CPT2: variants seen among roughly 807,000 people sequenced by gnomAD.
CPT2 encodes the protein carnitine palmitoyltransferase 2.
CPT2 carries 37 observed loss-of-function variants against 48.6 expected under a neutral mutation model. The ratio of observed to expected loss-of-function variants is 0.76; its 90% CI spans 0.59 to 1.00. The LOEUF (loss-of-function observed/expected upper bound fraction) is 1.00. CPT2 is among the 50% of genes least tolerant of loss of function. The pLI, the probability that CPT2 is intolerant of heterozygous loss-of-function variation, is 0.00. For missense variants in CPT2, 772 were observed against 825.6 expected, an observed-to-expected ratio of 0.94 and a Z score of 0.80; for synonymous variants, 319 against 326.9, an observed-to-expected ratio of 0.98 and a Z score of 0.26.
intron 4 of CPT2, chr1:53,213,057 A>G (rs1009591540): frequency 1.7e-6 from 1 of 604,034 alleles, no homozygotes; most frequent in East Asian, 2.7e-5. Context: ...TAAATGTAAC[A>G]TGACATAATA....
At chr1:53,204,774 C>T (rs1189975345) in intron 3 of CPT2, among the ~76,000 whole-genome samples, 1 of 152,142 alleles carries the variant, frequency 6.6e-6, no homozygotes, top group Non-Finnish European at 1.5e-5. Flanking sequence ...TTAGTGGTTT[C>T]TCACGAGCTC....
rs1020968759 is a variant in CPT2, at chr1:53,213,138, G to C, written c.1646-126G>C. 11 of 841,566 alleles carry C rather than the reference G, an allele frequency of 1.3e-5. No individual in the cohort carries two copies. The East Asian group carries it at 2.8e-4, about 21-fold the overall frequency. 52.1% of individuals were successfully genotyped at this position (841,566 alleles called of 1,614,324 possible). On this transcript the variant is annotated intron_variant, in intron 4 of 4. Coordinates refer to ENST00000371486, the MANE Select transcript of CPT2 (RefSeq NM_000098.3). ...GGTTAGTCAGTTGGTGGTGTGCATA[G>C]AGGTAGAGCCTTCCCCCACTCTCAA...
rs761347926 is a variant in CPT2, at chr1:53,210,790, C to T, written c.1116C>T (p.His372=). Residue 372 remains histidine (H), a synonymous_variant, in exon 4 of 5, where the codon CAC becomes CAT. Transcript: ENST00000371486. ...KDGSTAVHFE[H]SWGDGVAVLR... Reference sequence around the variant, plus strand: ...GCTCTACTGCCGTCCACTTTGAGCACTCTTGGGGTGATGGTGTGGCAGTGC... The same window carrying T: ...GCTCTACTGCCGTCCACTTTGAGCATTCTTGGGGTGATGGTGTGGCAGTGC... The T allele has an allele frequency of 9.3e-6, 15 of 1,614,202 alleles. No homozygotes were observed. In the East Asian group the frequency reaches 1.3e-4, roughly 14 times the overall value.
At chr1:53,204,426 A>C (rs1172055331) in intron 3 of CPT2, 3 of 151,922 alleles carry the variant, frequency 2.0e-5, no homozygotes, top group East Asian at 1.9e-4. Flanking sequence ...AAAATAGTTT[A>C]TCTCTGATAA....
At chr1:53,202,591 TTCC>T in intron 3 of CPT2, 162 bp downstream of exon 3, 2 of 686,868 alleles carry the variant, frequency 2.9e-6, no homozygotes, top group Non-Finnish European at 2.7e-6. Flanking sequence ...GCTGAGTGTG[TTCC>T]TCCTCTACTG....
At chr1:53,203,454 C>T (rs1254003268) in intron 3 of CPT2, 1 of 152,142 alleles carries the variant, frequency 6.6e-6, no homozygotes, top group Non-Finnish European at 1.5e-5. Context: ...TTTTTGTTTT[C>T]TCTGAAGTTA....
At position 53,210,719 on chromosome 1, in the gene CPT2, A is replaced by G. The variant is rs1488682855; in HGVS notation, c.1045A>G (p.Asn349Asp). The change falls in exon 4 of 5, where the codon AAC becomes GAC. Residue 349 changes from asparagine to aspartate, a missense_variant. Coordinates refer to ENST00000371486, the MANE Select transcript of CPT2 (RefSeq NM_000098.3). ...CAATATGCTGCATGGGGATGGCACAAACCGCTGGTTTGATAAATCCTTTAA... is the reference window on the plus strand; with the variant it reads ...CAATATGCTGCATGGGGATGGCACAGACCGCTGGTTTGATAAATCCTTTAA... ...SHNMLHGDGT[N>D]RWFDKSFNLI... 6.2e-7 allele frequency: 1 copy of G among 1,614,200 alleles called. No individual in the cohort carries two copies. The highest frequency in any genetic ancestry group is 2.2e-5 in the East Asian group (1 of 44,882).
chr1:53,206,182 CAAA>C (rs951448638), intron 3 of CPT2, among the ~76,000 whole-genome samples: 6 of 58,920 alleles, frequency 1.0e-4, no homozygotes, highest in Non-Finnish European at 2.2e-4. Flanking sequence ...GACTCCATTT[CAAA>C]AAAAAAAAAA....
intron 3 of CPT2, among the ~76,000 whole-genome samples, chr1:53,204,628 T>G (rs1645375402): frequency 6.6e-6 from 1 of 152,154 alleles, no homozygotes; most frequent in African/African-American, 2.4e-5. Flanking sequence ...TTTGCTCTAA[T>G]GTGATTGATA....
At position 53,213,561 on chromosome 1, in the gene CPT2, T is replaced by C. The variant is rs138125299; in HGVS notation, c.1943T>C (p.Phe648Ser). The C allele has an allele frequency of 2.7e-5, 43 of 1,614,010 alleles. No homozygotes were observed. The African/African-American group carries it at 5.5e-4, about 21-fold the overall frequency. ...GTGGAGAAGGCCTTAGAAGACATGT[T>C]TGATGCCTTAGAAGGCAAATCCATC... is the stretch of plus-strand genomic sequence containing the variant. ...QCVEKALEDM[F>S]DALEGKSIKS The change falls in exon 5 of 5, where the codon TTT (phenylalanine) becomes TCT (serine). Residue 648 changes from phenylalanine to serine, a missense_variant. Transcript: ENST00000371486.
rs938668766 is a variant in CPT2, at chr1:53,210,774, C to A, written c.1100C>A (p.Ala367Asp). ...NLIIAKDGST[A>D]VHFEHSWGDG... The stretch of plus-strand genomic sequence containing the variant: ...ATTATCGCCAAGGATGGCTCTACTG[C>A]CGTCCACTTTGAGCACTCTTGGGGT... Residue 367 changes from alanine to aspartate, a missense_variant, in exon 4 of 5, where the codon GCC becomes GAC. By Grantham distance (126) the Ala-to-Asp change is moderately radical. Coordinates refer to ENST00000371486, the MANE Select transcript of CPT2 (RefSeq NM_000098.3). The A allele has an allele frequency of 1.9e-6, 3 of 1,614,168 alleles. No individual in the cohort carries two copies. The highest frequency in any genetic ancestry group is 2.5e-6 in the Non-Finnish European group (3 of 1,180,022).
Position 53,213,304 on chromosome 1 carries a change from G to GC in CPT2, c.1686_1687insC (p.Ala563ArgfsTer10). The GC allele has an allele frequency of 6.2e-7, 1 of 1,614,200 alleles. No homozygotes were observed. Among genetic ancestry groups the GC allele is most frequent in the Non-Finnish European group, 8.5e-7 (1 of 1,180,046 alleles). The stretch of plus-strand genomic sequence containing the variant: ...GACACTTGTTTGCTCTGCGGCATCT[G>GC]GCAGCAGCCAAAGGGATCATCTTGC... On this transcript the variant is annotated frameshift_variant, in exon 5 of 5. Transcript: ENST00000371486. LOFTEE classifies it high-confidence loss of function.
intron 3 of CPT2, among the ~76,000 whole-genome samples, chr1:53,206,788 C>G (rs1188977656): frequency 2.0e-5 from 3 of 152,218 alleles, no homozygotes; most frequent in Non-Finnish European, 4.4e-5. Flanking sequence ...CTTGCCTTTA[C>G]TCAGATGAGA....
intron 1 of CPT2, chr1:53,197,457 T>G: frequency 5.5e-6 from 2 of 362,594 alleles, no homozygotes; most frequent in South Asian, 4.6e-5. Context: ...TCGACTATGG[T>G]GTCTCCTGAA....
At position 53,213,895 on chromosome 1, in the gene CPT2, C is replaced by T. The variant is rs1323850765; in HGVS notation, c.*300C>T. 2.9e-5 allele frequency: 11 copies of T among 381,438 alleles called. No homozygotes were observed. Among genetic ancestry groups the T allele is most frequent in the Admixed American group, 3.9e-5 (1 of 25,324 alleles). The allele number at this position is 381,438 out of a possible 1,614,324, so 23.6% of individuals were successfully genotyped here. A position where few individuals can be genotyped will look rare whatever the true frequency, so the allele number is the denominator to read the frequency against. ...GAGCTGAGATCACACCACTGCACTC[C>T]GGCCTGGGCGACAGAGCGAGACTGT... On this transcript the variant is annotated 3_prime_UTR_variant, in exon 5 of 5. Transcript: ENST00000371486.
chr1:53,209,869 TGCAGA>T, intron 3 of CPT2, 141 bp from the exon 4 acceptor site: 1 of 686,724 alleles, frequency 1.5e-6, no homozygotes, highest in Non-Finnish European at 2.5e-6. Flanking sequence ...CTTGAATTAT[TGCAGA>T]GCAAAAACAT....
chr1:53,200,868 C>A, intron 2 of CPT2, 69 bp downstream of exon 2: 1 of 1,247,238 alleles, frequency 8.0e-7, no homozygotes. Context: ...TAGTGGTGGA[C>A]CAAGCTTCAG....
At position 53,197,104 on chromosome 1, in the gene CPT2, G is replaced by A; in HGVS notation, c.152+9G>A. On this transcript the variant is annotated intron_variant, in intron 1 of 4. Coordinates refer to ENST00000371486, the MANE Select transcript of CPT2 (RefSeq NM_000098.3). The stretch of plus-strand genomic sequence containing the variant: ...CAGGACAGCCTGCCCAGGTGAGCCT[G>A]GCCTCCGGGTCCCCGCCGCCCGCCG... 1 of 1,537,624 alleles carries A rather than the reference G, an allele frequency of 6.5e-7. No homozygotes were observed. Among genetic ancestry groups the A allele is most frequent in the South Asian group, 1.2e-5 (1 of 84,066 alleles).
rs199894581 is a variant in CPT2 at position 53,210,746 on chromosome 1, C to G, written c.1072C>G (p.Leu358Val). ...TNRWFDKSFN[L>V]IIAKDGSTAV... ...CCGCTGGTTTGATAAATCCTTTAAC[C>G]TCATTATCGCCAAGGATGGCTCTAC... Residue 358 changes from leucine to valine, a missense_variant, in exon 4 of 5, where the codon CTC (leucine) becomes GTC (valine). Leu to Val is a conservative substitution (Grantham distance 32, BLOSUM62 1). Coordinates refer to ENST00000371486, the MANE Select transcript of CPT2 (RefSeq NM_000098.3). 3.1e-6 allele frequency: 5 copies of G among 1,614,224 alleles called. No homozygotes were observed. The Middle Eastern group carries it at 4.9e-4, about 160-fold the overall frequency.
Sources: allele counts gnomAD v4.1 joint callset (sites outside exome capture counted in the v4.1 genomes callset), GRCh38; gene constraint gnomAD v4.1.1; transcripts MANE v1.5; gene names NCBI Gene and HGNC (gene_info 2026-07-23, HGNC 2026-07-21).